MPP4: variants seen among roughly 807,000 people sequenced by gnomAD.
The protein encoded by MPP4 is MAGUK p55 scaffold protein 4.
In MPP4, 91 loss-of-function variants were observed where a neutral mutation model predicts 98.3. The observed-to-expected ratio is 0.93, with a 90% confidence interval of 0.78 to 1.10. The LOEUF (loss-of-function observed/expected upper bound fraction) is 1.10, where lower values mean the gene tolerates loss of function less well. Ranked by LOEUF, MPP4 falls within the 50% of genes least tolerant of loss-of-function variation. The probability of loss-of-function intolerance (pLI) is 0.00; values close to 1 mark genes in which losing one functional copy is unlikely to be tolerated. For missense variants in MPP4, 744 were observed against 792.9 expected, an observed-to-expected ratio of 0.94 and a Z score of 0.74; for synonymous variants, 261 against 271.8, an observed-to-expected ratio of 0.96 and a Z score of 0.39.
chr2:201,652,537 A>G (rs968158197), intron 18 of MPP4, among the ~76,000 whole-genome samples: 6 of 152,250 alleles, frequency 3.9e-5, no homozygotes, highest in Non-Finnish European at 7.3e-5. Flanking sequence ...AAAGTCTATC[A>G]TCACTCATGC....
intron 8 of MPP4, among the ~76,000 whole-genome samples, chr2:201,681,986 G>A (rs1688678290): frequency 6.6e-6 from 1 of 152,158 alleles, no homozygotes; most frequent in Non-Finnish European, 1.5e-5. Context: ...AGTCTGATGG[G>A]GAAGAAGAGG....
intron 17 of MPP4, 133 bp downstream of exon 17, chr2:201,656,061 CTTTG>C (rs779510315): frequency 6.6e-4 from 649 of 978,776 alleles, no homozygotes; most frequent in Non-Finnish European, 8.7e-4. Flanking sequence ...TGTACAATGG[CTTTG>C]TTTTTTAAAA....
chr2:201,657,590 GTTT>G (rs929926346), intron 16 of MPP4, among the ~76,000 whole-genome samples: 1 of 91,128 alleles, frequency 1.1e-5, no homozygotes, highest in African/African-American at 4.3e-5. Context: ...CCTGGCCCTT[GTTT>G]TTTTTTTGTT....
chr2:201,665,036 G>C (rs1398512359), intron 13 of MPP4: 1 of 167,058 alleles, frequency 6.0e-6, no homozygotes, highest in Non-Finnish European at 1.5e-5. Context: ...GGTGATGAAG[G>C]GGGAAGGAGA....
At chr2:201,672,168 G>C (rs375942137) in intron 11 of MPP4, among the ~76,000 whole-genome samples, 1 of 152,254 alleles carries the variant, frequency 6.6e-6, no homozygotes, top group African/African-American at 2.4e-5. Context: ...ATGAAATTAA[G>C]GCAGAAATAA....
intron 18 of MPP4, among the ~76,000 whole-genome samples, chr2:201,653,369 G>A (rs1046105644): frequency 6.6e-6 from 1 of 152,090 alleles, no homozygotes; most frequent in African/African-American, 2.4e-5. Context: ...TGAGGGGAGG[G>A]GGAAGCAAGC....
intron 1 of MPP4, among the ~76,000 whole-genome samples, chr2:201,694,942 T>C (rs992098357): frequency 6.6e-6 from 1 of 152,210 alleles, no homozygotes; most frequent in African/African-American, 2.4e-5. Context: ...CTATCAGATT[T>C]AATACCAGTC....
At chr2:201,680,740 G>T (rs1688641909) in intron 10 of MPP4, 98 bp downstream of exon 10, 2 of 1,067,078 alleles carry the variant, frequency 1.9e-6, no homozygotes, top group African/African-American at 3.2e-5. Context: ...TCATCTGCTT[G>T]TCCCTCTTTA....
chr2:201,655,039 T>A (rs1301825552), intron 17 of MPP4, 122 bp from the exon 18 acceptor site: 1 of 622,626 alleles, frequency 1.6e-6, no homozygotes, highest in African/African-American at 1.9e-5. Flanking sequence ...AGGGAAATTA[T>A]GTAACTTCCT....
intron 8 of MPP4, among the ~76,000 whole-genome samples, chr2:201,682,005 A>G (rs1411199074): frequency 6.6e-6 from 1 of 152,182 alleles, no homozygotes; most frequent in East Asian, 1.9e-4. Context: ...GGGGCTCCTA[A>G]GTTTTCTGGG....
intron 3 of MPP4, among the ~76,000 whole-genome samples, chr2:201,692,543 C>CAAA (rs10618429): frequency 2.3e-5 from 3 of 129,820 alleles, no homozygotes; most frequent in Non-Finnish European, 5.0e-5. Flanking sequence ...GACTCTGTCT[C>CAAA]AAAAAAAAAA....
At chr2:201,668,047 C>G (rs1688232351) in intron 12 of MPP4, among the ~76,000 whole-genome samples, 1 of 152,126 alleles carries the variant, frequency 6.6e-6, no homozygotes, top group East Asian at 1.9e-4. Context: ...TTCATTAGTT[C>G]CCAGTACATA....
At chr2:201,677,651 A>G (rs1005271717) in intron 10 of MPP4, among the ~76,000 whole-genome samples, 17 of 152,110 alleles carry the variant, frequency 1.1e-4, no homozygotes, top group Non-Finnish European at 2.1e-4. Flanking sequence ...CATACCACTT[A>G]CCCTGAGCAC....
At chr2:201,686,539 A>G (rs1688841268) in intron 5 of MPP4, among the ~76,000 whole-genome samples, 1 of 152,172 alleles carries the variant, frequency 6.6e-6, no homozygotes, top group Non-Finnish European at 1.5e-5. Context: ...CTTTGATCAT[A>G]GGGTATGATC....
intron 14 of MPP4, chr2:201,661,928 G>A: frequency 6.3e-6 from 2 of 315,646 alleles, no homozygotes; most frequent in Non-Finnish European, 1.2e-5. Flanking sequence ...GAATAAGCTA[G>A]GGGAATTAAA....
chr2:201,684,437 C>G (rs1688758663), intron 7 of MPP4, among the ~76,000 whole-genome samples: 1 of 152,146 alleles, frequency 6.6e-6, no homozygotes. Context: ...GTTTCATAAT[C>G]TCTTTGAGCC....
chr2:201,662,388 C>A (rs1688053394), intron 14 of MPP4, among the ~76,000 whole-genome samples: 1 of 149,370 alleles, frequency 6.7e-6, no homozygotes, highest in Non-Finnish European at 1.5e-5. Flanking sequence ...GTAATCCCAG[C>A]TACTCAGGAG....
At chr2:201,667,803 C>G (rs1688225293) in intron 12 of MPP4, among the ~76,000 whole-genome samples, 1 of 152,046 alleles carries the variant, frequency 6.6e-6, no homozygotes, top group Non-Finnish European at 1.5e-5. Flanking sequence ...TATCGCCACC[C>G]CTTAAAAACC....
At chr2:201,676,568 G>C (rs1443611044) in intron 10 of MPP4, among the ~76,000 whole-genome samples, 1 of 152,180 alleles carries the variant, frequency 6.6e-6, no homozygotes, top group East Asian at 1.9e-4. Context: ...TTAATTATTT[G>C]AAGAGATAAC....
Sources: allele counts gnomAD v4.1 joint callset (sites outside exome capture counted in the v4.1 genomes callset), GRCh38; gene constraint gnomAD v4.1.1; transcripts MANE v1.5; gene names NCBI Gene and HGNC (gene_info 2026-07-23, HGNC 2026-07-21).